UGT2A2: variants seen among roughly 807,000 people sequenced by gnomAD.
UGT2A2 encodes UDP glucuronosyltransferase family 2 member A2.
In UGT2A2, 60 loss-of-function variants were observed where a neutral mutation model predicts 50.7. That is an observed-to-expected ratio of 1.18 (90% CI 0.96 to 1.47). The LOEUF is 1.47. Ranked by LOEUF, UGT2A2 falls within the 40% of genes most tolerant of loss-of-function variation. UGT2A2 has a pLI of 0.00. For synonymous variants in UGT2A2, 242 were observed against 214.6 expected (o/e 1.13, Z -1.11); for missense variants, 762 against 634.0 (o/e 1.20, Z -2.17).
In UGT2A2 at chr4:69,589,472, A is replaced by G. The variant is rs1344690526; in HGVS notation, c.1511T>C (p.Leu504Ser). ...TATAGCCGTTGTCACACAGACCAGCAAGAACCCAATTACATCCAAAGAGTG... is the reference window on the plus strand; with the variant it reads ...TATAGCCGTTGTCACACAGACCAGCGAGAACCCAATTACATCCAAAGAGTG... ...QYHSLDVIGF[L>S]LVCVTTAIFL... Residue 504 changes from leucine to serine, a missense_variant, in exon 6 of 6, where the codon TTG (leucine) becomes TCG (serine). Transcript: ENST00000604629. The G allele has an allele frequency of 3.1e-6, 5 of 1,614,174 alleles. No homozygotes were observed. Among genetic ancestry groups the G allele is most frequent in the South Asian group, 1.1e-5 (1 of 91,084 alleles).
chr4:69,600,115 G>A (rs1273247209), intron 1 of UGT2A2, among the ~76,000 whole-genome samples: 1 of 152,150 alleles, frequency 6.6e-6, no homozygotes, highest in African/African-American at 2.4e-5. Context: ...TGTGAGCCAG[G>A]TGAAAAACCA....
intron 1 of UGT2A2, among the ~76,000 whole-genome samples, chr4:69,602,160 T>C (rs368260450): frequency 7.4e-6 from 1 of 135,484 alleles, no homozygotes; most frequent in African/African-American, 3.0e-5. Flanking sequence ...GAAAAGTAGA[T>C]AAGTTCACCT....
intron 1 of UGT2A2, among the ~76,000 whole-genome samples, chr4:69,613,127 A>G (rs1045012717): frequency 5.3e-5 from 8 of 152,034 alleles, no homozygotes; most frequent in African/African-American, 1.9e-4. Context: ...ATACGAAAAA[A>G]TGTGCATTAT....
At chr4:69,638,438 G>C (rs1390101290) in intron 1 of UGT2A2, among the ~76,000 whole-genome samples, 1 of 152,138 alleles carries the variant, frequency 6.6e-6, no homozygotes, top group Non-Finnish European at 1.5e-5. Flanking sequence ...TAGAGAGACA[G>C]TGAGAACCAG....
rs1474112960 is a variant in UGT2A2, at chr4:69,606,725, C to A, written c.743-7331G>T. On this transcript the variant is annotated intron_variant, in intron 1 of 5. Coordinates refer to ENST00000604629, the MANE Select transcript of UGT2A2 (RefSeq NM_001105677.2). ...AGCTGATAAGCAACTTCAGCAAAGT[C>A]TCAGGATACAAAATCAATGTGCAAA... Among the ~76,000 whole-genome samples the A allele has an allele frequency of 2.2e-5, 3 of 136,844 alleles. 1 individual carries two copies. The highest frequency in any genetic ancestry group is 8.9e-5 in the African/African-American group (3 of 33,758). The allele number at this position is 136,844 out of a possible 152,430, so 89.8% of individuals were successfully genotyped here. A position where few individuals can be genotyped will look rare whatever the true frequency, so the allele number is the denominator to read the frequency against.
intron 5 of UGT2A2, among the ~76,000 whole-genome samples, chr4:69,590,476 C>T (rs1434860671): frequency 6.6e-6 from 1 of 152,172 alleles, no homozygotes; most frequent in South Asian, 2.1e-4. Flanking sequence ...AAGAAAAGTT[C>T]CAGCCTGGAT....
intron 1 of UGT2A2, among the ~76,000 whole-genome samples, chr4:69,600,901 C>A (rs1719247782): frequency 1.3e-5 from 2 of 152,064 alleles, no homozygotes; most frequent in Admixed American, 1.3e-4. Flanking sequence ...AATACTCTAC[C>A]CCCATGATCC....
chr4:69,606,650 C>A lies in UGT2A2; in HGVS notation c.743-7256G>T, dbSNP rs750065021. Among the ~76,000 whole-genome samples the A allele has an allele frequency of 3.6e-4, 49 of 136,810 alleles. 11 individuals are homozygous for A. The highest frequency in any genetic ancestry group is 6.2e-4 in the Non-Finnish European group (40 of 64,310). 89.8% of individuals were successfully genotyped at this position (136,810 alleles called of 152,430 possible). A position where few individuals can be genotyped will look rare whatever the true frequency, so the allele number is the denominator to read the frequency against. On this transcript the variant is annotated intron_variant, in intron 1 of 5. Transcript: ENST00000604629. Reference sequence around the variant, plus strand: ...TCAAATTGTCCCTGTTTGCAGTTGACATGATTGTATATCTAGAAAACACCA... The same window carrying A: ...TCAAATTGTCCCTGTTTGCAGTTGAAATGATTGTATATCTAGAAAACACCA...
Position 69,596,387 on chromosome 4 carries a change from T to C in UGT2A2, c.892-6A>G. On this transcript the variant is annotated splice_polypyrimidine_tract_variant and splice_region_variant and intron_variant, in intron 2 of 5. Transcript: ENST00000604629. ...TGGATAAATTCTTCCATTTCCTGCA[T>C]ACATAATATATTTTCTATTACAAAG... 1 of 1,570,598 alleles carries C rather than the reference T, an allele frequency of 6.4e-7. No individual in the cohort carries two copies. The highest frequency in any genetic ancestry group is 8.6e-7 in the Non-Finnish European group (1 of 1,158,058).
chr4:69,593,882 A>G (rs1718731902), intron 5 of UGT2A2, among the ~76,000 whole-genome samples: 1 of 151,776 alleles, frequency 6.6e-6, no homozygotes, highest in Non-Finnish European at 1.5e-5. Flanking sequence ...AGTTTATAAT[A>G]TTAAGCAGAT....
At chr4:69,595,041 A>T in intron 4 of UGT2A2, 121 bp downstream of exon 4, 2 of 1,360,328 alleles carry the variant, frequency 1.5e-6, no homozygotes, top group Non-Finnish European at 2.0e-6. Flanking sequence ...TATCTGCTTT[A>T]AAATTGAGTG....
At chr4:69,618,187 A>ATGTG (rs72430246) in intron 1 of UGT2A2, among the ~76,000 whole-genome samples, 6,093 of 144,392 alleles carry the variant, frequency 0.042, 204 homozygotes, top group East Asian at 0.052. Flanking sequence ...GCCAGTAAGC[A>ATGTG]TGTGTGTGTG....
intron 5 of UGT2A2, among the ~76,000 whole-genome samples, chr4:69,592,264 C>G (rs775808804): frequency 5.9e-5 from 9 of 152,244 alleles, no homozygotes; most frequent in African/African-American, 2.2e-4. Flanking sequence ...CAAGCTTGGA[C>G]TCTACATGAA....
chr4:69,593,835 T>A (rs1718728188), intron 5 of UGT2A2, among the ~76,000 whole-genome samples: 1 of 151,954 alleles, frequency 6.6e-6, no homozygotes, highest in Non-Finnish European at 1.5e-5. Context: ...ATTTTGTATT[T>A]ACTGATTAGT....
rs1721515583 is a variant in UGT2A2, at chr4:69,633,762, A to G, written c.742+5137T>C. On this transcript the variant is annotated intron_variant, in intron 1 of 5. Transcript: ENST00000604629. ...TCAAGGAAAATTGATCCATGGTTTCAGAAGCCAAGAAAGTGTTTACCATTA... is the reference window on the plus strand; with the variant it reads ...TCAAGGAAAATTGATCCATGGTTTCGGAAGCCAAGAAAGTGTTTACCATTA... Among the ~76,000 whole-genome samples, 4 of 152,290 alleles carry G rather than the reference A, an allele frequency of 2.6e-5. No homozygotes were observed. In the South Asian group the frequency reaches 8.3e-4, roughly 32 times the overall value.
intron 1 of UGT2A2, among the ~76,000 whole-genome samples, chr4:69,636,695 T>G (rs897030808): frequency 5.9e-5 from 9 of 152,248 alleles, no homozygotes; most frequent in African/African-American, 2.2e-4. Context: ...CAGAGCCCTG[T>G]GGTAATATAA....
rs1169092570 is a variant in UGT2A2 at position 69,599,406 on chromosome 4, G to A, written c.743-12C>T. On this transcript the variant is annotated splice_polypyrimidine_tract_variant and intron_variant, in intron 1 of 5. Coordinates refer to ENST00000604629, the MANE Select transcript of UGT2A2 (RefSeq NM_001105677.2). Reference sequence around the variant, plus strand: ...CGTAGTGGGTCTTCCTGGAGAAAATGTAACAAGTTGGATGGAGGAAATTAG... The same window carrying A: ...CGTAGTGGGTCTTCCTGGAGAAAATATAACAAGTTGGATGGAGGAAATTAG... 2 of 1,611,516 alleles carry A rather than the reference G, an allele frequency of 1.2e-6. No homozygotes were observed. Among genetic ancestry groups the A allele is most frequent in the Non-Finnish European group, 1.7e-6 (2 of 1,179,380 alleles).
chr4:69,599,683 T>C, intron 1 of UGT2A2: 1 of 237,696 alleles, frequency 4.2e-6, no homozygotes, highest in South Asian at 1.2e-4. Flanking sequence ...AAGAAAGAGG[T>C]AGAAATAAAG....
intron 1 of UGT2A2, among the ~76,000 whole-genome samples, chr4:69,614,999 A>G (rs141507134): frequency 6.6e-5 from 10 of 152,070 alleles, no homozygotes; most frequent in Non-Finnish European, 1.2e-4. Flanking sequence ...AAATTGCTAC[A>G]CACTTTTAAA....
Sources: gnomAD v4.1 joint callset for allele counts (sites outside exome capture counted in the v4.1 genomes callset) on GRCh38, gnomAD v4.1.1 for gene constraint, MANE v1.5 for transcripts, NCBI Gene and HGNC (gene_info 2026-07-23, HGNC 2026-07-21) for gene names.